SLC6A18: variants seen among roughly 807,000 people sequenced by gnomAD.
The protein encoded by SLC6A18 is inactive sodium-dependent neutral amino acid transporter B(0)AT3.
A neutral mutation model predicts 62.9 loss-of-function variants in SLC6A18; 58 were observed. That is an observed-to-expected ratio of 0.92 (90% CI 0.75 to 1.15). SLC6A18 has a LOEUF of 1.15. SLC6A18 is among the 50% of genes most tolerant of loss of function. The pLI, the probability that SLC6A18 is intolerant of heterozygous loss-of-function variation, is 0.00. For missense variants in SLC6A18, 793 were observed against 836.6 expected (o/e 0.95, Z 0.64); for synonymous variants, 382 against 365.8 (o/e 1.04, Z -0.51).
At position 1,240,773 on chromosome 5, in the gene SLC6A18, A is replaced by C. The variant is rs1318388594; in HGVS notation, c.974+114A>C. ...TGGCGTGGGCACATTTCATTTCTGT[A>C]GGGGTGTGGAGTGAATGGTGTCCCC... On this transcript the variant is annotated intron_variant, in intron 7 of 11. Coordinates refer to ENST00000324642, the MANE Select transcript of SLC6A18 (RefSeq NM_182632.3). The C allele has an allele frequency of 2.1e-6, 3 of 1,417,680 alleles. No homozygotes were observed. The African/African-American group carries it at 4.3e-5, about 20-fold the overall frequency. 87.8% of individuals were successfully genotyped at this position (1,417,680 alleles called of 1,614,324 possible). A position where few individuals can be genotyped will look rare whatever the true frequency, so the allele number is the denominator to read the frequency against.
At position 1,244,284 on chromosome 5, in the gene SLC6A18, G is replaced by A. The variant is rs1747152289; in HGVS notation, c.1407G>A (p.Glu469=). ...FTLQSGNYWL[E]IFDNFAASPN... ...TGCAGTCTGGGAACTACTGGCTGGA[G>A]ATTTTCGACAATTTTGCCGCTTCCC... Residue 469 remains glutamate, a synonymous_variant, in exon 10 of 12, where the codon GAG becomes GAA. Coordinates refer to ENST00000324642, the MANE Select transcript of SLC6A18 (RefSeq NM_182632.3). The A allele has an allele frequency of 1.9e-6, 3 of 1,614,036 alleles. No homozygotes were observed. In the African/African-American group the frequency reaches 4.0e-5, roughly 22 times the overall value.
At chr5:1,226,454 G>A (rs1484027680) in intron 1 of SLC6A18, among the ~76,000 whole-genome samples, 7 of 152,300 alleles carry the variant, frequency 4.6e-5, no homozygotes, top group African/African-American at 7.2e-5. Context: ...AGGCCAGGCC[G>A]GGCTGCTTGG....
intron 1 of SLC6A18, among the ~76,000 whole-genome samples, chr5:1,226,926 AC>A (rs888661456): frequency 4.6e-5 from 7 of 151,082 alleles, no homozygotes; most frequent in African/African-American, 1.7e-4. Flanking sequence ...TGCCTTGCCC[AC>A]CGATGCCTTT....
chr5:1,238,524 C>T (rs546909175), intron 5 of SLC6A18, among the ~76,000 whole-genome samples: 2 of 57,702 alleles, frequency 3.5e-5, no homozygotes, highest in African/African-American at 1.4e-4. Context: ...TGGAGTGAGC[C>T]AGGGGCCTCA....
At chr5:1,238,297 G>A (rs77644623) in intron 5 of SLC6A18, among the ~76,000 whole-genome samples, 2,230 of 98,838 alleles carry the variant, frequency 0.023, 21 homozygotes, top group Admixed American at 0.037. Flanking sequence ...GTTTGGAGTG[G>A]GCCTGGAGGA....
Position 1,244,692 on chromosome 5 carries a change from G to A in SLC6A18, c.1581G>A (p.Leu527=). ...RLTWRVVSPL[L]LTIFVAYIIL... is the part of the protein sequence containing the mutation. ...CCTGGAGGGTGGTCAGTCCCCTGCT[G>A]CTGACCATCTTTGTGGCTTACATCA... The change falls in exon 11 of 12, where the codon CTG becomes CTA. Residue 527 remains leucine, a synonymous_variant. Transcript: ENST00000324642. The A allele has an allele frequency of 1.2e-6, 2 of 1,613,326 alleles. No individual in the cohort carries two copies. Among genetic ancestry groups the A allele is most frequent in the South Asian group, 1.1e-5 (1 of 91,060 alleles).
chr5:1,243,592 C>A lies in SLC6A18; in HGVS notation c.1169C>A (p.Thr390Lys). The A allele has an allele frequency of 6.2e-7, 1 of 1,613,948 alleles. No individual in the cohort carries two copies. The highest frequency in any genetic ancestry group is 8.5e-7 in the Non-Finnish European group (1 of 1,179,990). The change falls in exon 9 of 12, where the codon ACG (threonine) becomes AAG (lysine). Residue 390 changes from threonine (T) to lysine (K), a missense_variant. Transcript: ENST00000324642. The surrounding 1 kb of genome is among the most constrained non-coding windows in gnomAD (Gnocchi z 6.5). Reference sequence around the variant, plus strand: ...CCGGGCCTGGCCTTCGTCGTCTTCACGGAGACCGACCTCCACATGCCGGGG... The same window carrying A: ...CCGGGCCTGGCCTTCGTCGTCTTCAAGGAGACCGACCTCCACATGCCGGGG... The part of the protein sequence containing the change: ...SGPGLAFVVF[T>K]ETDLHMPGAP...
intron 7 of SLC6A18, among the ~76,000 whole-genome samples, chr5:1,240,932 G>A (rs114007883): frequency 1.3e-3 from 202 of 152,302 alleles, no homozygotes; most frequent in African/African-American, 4.6e-3. Context: ...CTTATAAGAA[G>A]AGGAGACAGA....
chr5:1,233,749 A>ATTTTTTTTTTTTTTT (rs70957337), intron 3 of SLC6A18, among the ~76,000 whole-genome samples: 1 of 138,632 alleles, frequency 7.2e-6, no homozygotes, highest in African/African-American at 2.7e-5. Context: ...CACTCAGCTA[A>ATTTTTTTTTTTTTTT]TTTTTTTTTT....
rs186554851 is a variant in SLC6A18 at position 1,232,985 on chromosome 5, G to A, written c.439+97G>A. The A allele has an allele frequency of 4.0e-6, 6 of 1,499,878 alleles. No homozygotes were observed. The East Asian group carries it at 9.3e-5, about 23-fold the overall frequency. The allele number at this position is 1,499,878 out of a possible 1,614,324, so 92.9% of individuals were successfully genotyped here. A position where few individuals can be genotyped will look rare whatever the true frequency, so the allele number is the denominator to read the frequency against. ...ATCAGAGCAGCTGCGGGTGGCGGAT[G>A]CTCACCGCGGGGGGAGGGCCGGGGA... On this transcript the variant is annotated intron_variant, in intron 3 of 11. Transcript: ENST00000324642.
intron 1 of SLC6A18, among the ~76,000 whole-genome samples, chr5:1,227,131 ATGCCTTGCC>A (rs1746604910): frequency 2.1e-5 from 3 of 143,154 alleles, no homozygotes; most frequent in South Asian, 2.2e-4. Context: ...TTGCCCGTCG[ATGCCTTGCC>A]CGCCGATGAC....
At chr5:1,245,509 T>C (rs1329660480) in intron 11 of SLC6A18, among the ~76,000 whole-genome samples, 1 of 152,116 alleles carries the variant, frequency 6.6e-6, no homozygotes, top group Non-Finnish European at 1.5e-5. Context: ...GGGTGGGTGG[T>C]GCCACCCAGT....
intron 9 of SLC6A18, 116 bp from the exon 10 acceptor site, chr5:1,244,098 G>C: frequency 1.2e-6 from 1 of 845,068 alleles, no homozygotes; most frequent in Admixed American, 2.3e-5. Flanking sequence ...CAGCCCAGGT[G>C]CCCTGGCCCT....
chr5:1,232,109 A>G, intron 1 of SLC6A18, 110 bp from the exon 2 acceptor site: 1 of 968,628 alleles, frequency 1.0e-6, no homozygotes, highest in South Asian at 1.6e-5. Context: ...TGCCCCCAAC[A>G]TTCAGGTCCC....
At position 1,246,143 on chromosome 5, in the gene SLC6A18, G is replaced by T; in HGVS notation, c.*65G>T. ...GGGGCTTGGCCTGATGGTGGGCGGG[G>T]CCCCGCCCACAGGGCCGACCCCAAT... is the stretch of plus-strand genomic sequence containing the variant. On this transcript the variant is annotated 3_prime_UTR_variant, in exon 12 of 12. Coordinates refer to ENST00000324642, the MANE Select transcript of SLC6A18 (RefSeq NM_182632.3). 2 of 1,438,458 alleles carry T rather than the reference G, an allele frequency of 1.4e-6. No individual in the cohort carries two copies. The highest frequency in any genetic ancestry group is 1.8e-6 in the Non-Finnish European group (2 of 1,094,914). 89.1% of individuals were successfully genotyped at this position (1,438,458 alleles called of 1,614,324 possible).
In SLC6A18 at chr5:1,244,243, G is replaced by A. The variant is rs781577778; in HGVS notation, c.1366G>A (p.Ala456Thr). The part of the protein sequence containing the change: ...GLVCLVCFLS[A>T]TCFTLQSGNY... The stretch of plus-strand genomic sequence containing the variant: ...GGTCTGCCTGGTCTGCTTCCTCTCC[G>A]CCACCTGCTTCACGCTGCAGTCTGG... The change falls in exon 10 of 12, where the codon GCC (alanine) becomes ACC (threonine). Residue 456 changes from alanine to threonine, a missense_variant. Ala to Thr is a moderately conservative substitution (Grantham distance 58). Coordinates refer to ENST00000324642, the MANE Select transcript of SLC6A18 (RefSeq NM_182632.3). The A allele has an allele frequency of 9.5e-6, 14 of 1,472,622 alleles. No homozygotes were observed. In the East Asian group the frequency reaches 2.7e-4, roughly 29 times the overall value. The allele number at this position is 1,472,622 out of a possible 1,614,324, so 91.2% of individuals were successfully genotyped here. A position where few individuals can be genotyped will look rare whatever the true frequency, so the allele number is the denominator to read the frequency against.
intron 6 of SLC6A18, among the ~76,000 whole-genome samples, chr5:1,240,015 T>C (rs1193554661): frequency 6.6e-6 from 1 of 152,246 alleles, no homozygotes; most frequent in Non-Finnish European, 1.5e-5. Context: ...CCAGTATTTC[T>C]GCCCCCTTCG....
Position 1,242,815 on chromosome 5 carries a change from G to A in SLC6A18, c.1083G>A (p.Val361=). 1 of 1,613,656 alleles carries A rather than the reference G, an allele frequency of 6.2e-7. No homozygotes were observed. The highest frequency in any genetic ancestry group is 8.5e-7 in the Non-Finnish European group (1 of 1,179,712). The change falls in exon 8 of 12, where the codon GTG becomes GTA. Residue 361 remains valine (V), a synonymous_variant. Coordinates refer to ENST00000324642, the MANE Select transcript of SLC6A18 (RefSeq NM_182632.3). Reference sequence around the variant, plus strand: ...TGAACGCCACCTGGCCCAAGAGGGTGGCCCAGCTCCCCCTGAAGGCCTGCC... The same window carrying A: ...TGAACGCCACCTGGCCCAAGAGGGTAGCCCAGCTCCCCCTGAAGGCCTGCC... ...MHLNATWPKR[V]AQLPLKACLL... is the part of the protein sequence containing the mutation.
Position 1,242,618 on chromosome 5 carries a change from A to G in SLC6A18, c.975-89A>G, listed in dbSNP as rs151209147. ...CAGGAGGGGCCCAGCCCTCCCAGGG[A>G]TGCTGTGCTTCGCAGCACCAACCAA... is the stretch of plus-strand genomic sequence containing the variant. On this transcript the variant is annotated intron_variant, in intron 7 of 11. Coordinates refer to ENST00000324642, the MANE Select transcript of SLC6A18 (RefSeq NM_182632.3). The G allele has an allele frequency of 2.5e-4, 375 of 1,505,730 alleles. 2 individuals carry two copies. The East Asian group carries it at 7.0e-3, about 28-fold the overall frequency. The allele number at this position is 1,505,730 out of a possible 1,614,324, so 93.3% of individuals were successfully genotyped here. A position where few individuals can be genotyped will look rare whatever the true frequency, so the allele number is the denominator to read the frequency against.
Sources: allele counts gnomAD v4.1 joint callset (sites outside exome capture counted in the v4.1 genomes callset), GRCh38; gene constraint gnomAD v4.1.1; non-coding constraint Gnocchi (gnomAD v3.1); transcripts MANE v1.5; gene names NCBI Gene and HGNC (gene_info 2026-07-23, HGNC 2026-07-21).